The following RYR3 variants were observed in gnomAD, a reference collection of about 807,000 sequenced individuals.
RYR3 encodes the protein ryanodine receptor 3, also known as brain ryanodine receptor-calcium release channel.
Under a neutral mutation model 584.3 loss-of-function variants are expected in RYR3, and 207 were observed. The observed-to-expected ratio is 0.35, with a 90% CI of 0.32 to 0.40. The LOEUF is 0.40. Among genes scored for constraint, RYR3 ranks in the 10% least tolerant of loss-of-function variants. RYR3 has a pLI of 1.00. For missense variants in RYR3, 5,616 were observed against 6,089.2 expected (o/e 0.92, Z 2.59); for synonymous variants, 2,416 against 2,248.5 (o/e 1.07, Z -2.11).
At position 33,388,024 on chromosome 15, in the gene RYR3, A is replaced by AT. The variant is rs1269148632; in HGVS notation, c.51+76929dup. 3.3e-5 allele frequency among the ~76,000 whole-genome samples: 5 copies of AT among 152,204 alleles called. No individual in the cohort carries two copies. The East Asian group carries it at 9.6e-4, about 29-fold the overall frequency. Reference sequence around the variant, plus strand: ...GGGAGCCACTTAATGTCTAGCACAAATAAATAAAACATGATCTACAGAGAA... The same window carrying AT: ...GGGAGCCACTTAATGTCTAGCACAAATTAAATAAAACATGATCTACAGAGAA... On this transcript the variant is annotated intron_variant, in intron 1 of 103. Coordinates refer to ENST00000634891, the MANE Select transcript of RYR3 (RefSeq NM_001036.6).
chr15:33,735,858 T>C (rs1403324505), intron 48 of RYR3, among the ~76,000 whole-genome samples: 1 of 152,214 alleles, frequency 6.6e-6, no homozygotes, highest in Non-Finnish European at 1.5e-5. Context: ...GTGCAGCTGC[T>C]CAACGCCAGT....
At chr15:33,323,771 G>A (rs1192924546) in intron 1 of RYR3, among the ~76,000 whole-genome samples, 2 of 152,138 alleles carry the variant, frequency 1.3e-5, no homozygotes, top group African/African-American at 4.8e-5. Context: ...CCAGCTGTTT[G>A]GGAGGTGGTA....
chr15:33,689,942 C>G (rs1465854074), intron 38 of RYR3, among the ~76,000 whole-genome samples: 1 of 152,092 alleles, frequency 6.6e-6, no homozygotes, highest in Non-Finnish European at 1.5e-5. Context: ...GTAACAGATA[C>G]CCAGAAAATG....
intron 38 of RYR3, among the ~76,000 whole-genome samples, chr15:33,683,608 C>T (rs1166823511): frequency 6.6e-6 from 1 of 152,164 alleles, no homozygotes; most frequent in Non-Finnish European, 1.5e-5. Flanking sequence ...AGATGAGGTA[C>T]CTGGTTCATC....
chr15:33,462,722 C>A (rs562693861), intron 1 of RYR3, among the ~76,000 whole-genome samples: 6 of 152,254 alleles, frequency 3.9e-5, no homozygotes, highest in Middle Eastern at 3.4e-3. Context: ...TTGTCAGGAT[C>A]TCCCTGCTAG....
chr15:33,483,060 AC>A (rs2050113367), intron 2 of RYR3, among the ~76,000 whole-genome samples: 2 of 151,850 alleles, frequency 1.3e-5, no homozygotes, highest in South Asian at 2.1e-4. Context: ...TGTGCTATTA[AC>A]CCCCTCTAAT....
At chr15:33,391,024 C>A (rs1044898101) in intron 1 of RYR3, among the ~76,000 whole-genome samples, 1 of 152,154 alleles carries the variant, frequency 6.6e-6, no homozygotes, top group African/African-American at 2.4e-5. Context: ...GCTTTGAGTA[C>A]AACTGTTTGC....
chr15:33,442,933 T>C (rs1396699512), intron 1 of RYR3, among the ~76,000 whole-genome samples: 1 of 152,076 alleles, frequency 6.6e-6, no homozygotes, highest in Non-Finnish European at 1.5e-5. Context: ...TCCAGACACA[T>C]TAGAAGGTAG....
In RYR3 at chr15:33,400,588, C is replaced by T. The variant is rs137932686; in HGVS notation, c.52-72831C>T. Among the ~76,000 whole-genome samples, 171 of 152,164 alleles carry T rather than the reference C, an allele frequency of 1.1e-3. 1 individual carries two copies. Among genetic ancestry groups the T allele is most frequent in the African/African-American group, 4.0e-3 (167 of 41,512 alleles). ...GAAATTTCTTCGTGGAGACTTTCTTCCTTCATGGAGACTTTCTTCCTTCGT... is the reference window on the plus strand; with the variant it reads ...GAAATTTCTTCGTGGAGACTTTCTTTCTTCATGGAGACTTTCTTCCTTCGT... On this transcript the variant is annotated intron_variant, in intron 1 of 103. Coordinates refer to ENST00000634891, the MANE Select transcript of RYR3 (RefSeq NM_001036.6).
rs1220022041 is a variant in RYR3, at chr15:33,816,873, T to G, written c.10514T>G (p.Ile3505Ser). ...PLYNLPRHRS[I>S]NLFLHGYQRF... ...CCCCTTCCGCTCAGGCACCGCTCTA[T>G]TAACCTCTTCCTCCATGGCTATCAG... The change falls in exon 75 of 104, where the codon ATT becomes AGT. Residue 3505 changes from isoleucine (I) to serine (S), a missense_variant. Coordinates refer to ENST00000634891, the MANE Select transcript of RYR3 (RefSeq NM_001036.6). 6.2e-7 allele frequency: 1 copy of G among 1,611,862 alleles called. No individual in the cohort carries two copies. Among genetic ancestry groups the G allele is most frequent in the Admixed American group, 1.7e-5 (1 of 59,920 alleles).
intron 3 of RYR3, among the ~76,000 whole-genome samples, chr15:33,522,132 G>A (rs116897663): frequency 0.025 from 3,825 of 150,424 alleles, 65 homozygotes; most frequent in Non-Finnish European, 0.04. Flanking sequence ...GTGTGGTGGT[G>A]TGAGCCTGTA....
At chr15:33,757,639 T>C (rs751115667) in intron 60 of RYR3, 43 bp downstream of exon 60, 2 of 1,591,032 alleles carry the variant, frequency 1.3e-6, no homozygotes, top group Non-Finnish European at 1.7e-6. Context: ...GCTGATGCAA[T>C]TTACTTAAAA....
Position 33,562,932 on chromosome 15 carries a change from G to C in RYR3, c.1068G>C (p.Gln356His). 6.2e-7 allele frequency: 1 copy of C among 1,613,844 alleles called. No homozygotes were observed. ...IKYGDSVCFV[Q>H]HIASGLWVTY... ...ATGGAGATTCTGTCTGCTTTGTGCA[G>C]CATATAGCCAGTGGTCTGTGGGTGA... is the stretch of plus-strand genomic sequence containing the variant. The change falls in exon 11 of 104, where the codon CAG becomes CAC. Residue 356 changes from glutamine to histidine, a missense_variant. Gln to His is a conservative substitution (Grantham distance 24, BLOSUM62 0). This residue lies in a region of RYR3 where 1,284 missense variants were observed against 1,344.6 expected (regional missense o/e 0.95). Coordinates refer to ENST00000634891, the MANE Select transcript of RYR3 (RefSeq NM_001036.6).
chr15:33,780,698 C>G (rs1222789211), intron 65 of RYR3, among the ~76,000 whole-genome samples: 2 of 152,126 alleles, frequency 1.3e-5, no homozygotes, highest in Non-Finnish European at 2.9e-5. Context: ...AGAGTGGTAT[C>G]AGAAGGTGCA....
intron 1 of RYR3, among the ~76,000 whole-genome samples, chr15:33,454,786 C>T (rs1040470756): frequency 6.6e-6 from 1 of 152,128 alleles, no homozygotes; most frequent in Admixed American, 6.5e-5. Context: ...TGTGGCACTG[C>T]AGCAATAGCT....
intron 67 of RYR3, among the ~76,000 whole-genome samples, chr15:33,789,627 TATATATATATATA>T (rs2074977315): frequency 1.1e-4 from 1 of 9,248 alleles, no homozygotes; most frequent in Non-Finnish European, 2.5e-4. Context: ...TTTTATTTTA[TATATATATATATA>T]TATATATATA....
At chr15:33,598,327 C>T (rs2059486428) in intron 16 of RYR3, among the ~76,000 whole-genome samples, 1 of 147,094 alleles carries the variant, frequency 6.8e-6, no homozygotes, top group African/African-American at 2.5e-5. Context: ...CAAATACAAA[C>T]ACGCACACTT....
chr15:33,825,746 TCCC>T, intron 82 of RYR3, 70 bp downstream of exon 82: 2 of 251,460 alleles, frequency 8.0e-6, no homozygotes, highest in South Asian at 4.2e-5. Context: ...TTTTTTTTTT[TCCC>T]CATACAGAGT....
At chr15:33,752,409 G>T (rs181986478) in intron 57 of RYR3, among the ~76,000 whole-genome samples, 5 of 152,244 alleles carry the variant, frequency 3.3e-5, no homozygotes, top group African/African-American at 1.2e-4. Context: ...ATTTCGTTGA[G>T]CATTGATTTG....
Sources: allele counts gnomAD v4.1 joint callset (sites outside exome capture counted in the v4.1 genomes callset), GRCh38; gene constraint gnomAD v4.1.1; regional missense constraint gnomAD v4.1.1; transcripts MANE v1.5; gene names NCBI Gene and HGNC (gene_info 2026-07-23, HGNC 2026-07-21).